The following AQR variants were observed in gnomAD, a reference collection of about 807,000 sequenced individuals.
AQR encodes aquarius intron-binding spliceosomal factor, also known as RNA helicase aquarius.
AQR carries 61 observed loss-of-function variants against 180.5 expected under a neutral mutation model. The observed-to-expected ratio is 0.34, with a 90% CI of 0.28 to 0.42. The LOEUF is 0.42. Among genes scored for constraint, AQR ranks in the 10% least tolerant of loss-of-function variants. The pLI, the probability that AQR is intolerant of heterozygous loss-of-function variation, is 1.00. For missense variants in AQR, 1,281 were observed against 1,798.3 expected (o/e 0.71, Z 5.20); for synonymous variants, 551 against 588.8 (o/e 0.94, Z 0.93).
chr15:34,867,655 A>G, intron 31 of AQR, 46 bp from the exon 32 acceptor site: 1 of 1,297,836 alleles, frequency 7.7e-7, no homozygotes, highest in Non-Finnish European at 1.1e-6. Flanking sequence ...AAAAGCCAAA[A>G]GACACTAGAG....
intron 14 of AQR, among the ~76,000 whole-genome samples, chr15:34,919,278 TTATC>T (rs1217150347): frequency 6.6e-6 from 1 of 151,696 alleles, no homozygotes; most frequent in Non-Finnish European, 1.5e-5. Context: ...AAATAAGTGT[TTATC>T]TAATAATGCT....
In AQR at chr15:34,896,877, AGGTGT is replaced by A; in HGVS notation, c.2460+15_2460+19del. The A allele has an allele frequency of 6.3e-7, 1 of 1,593,354 alleles. No homozygotes were observed. Among genetic ancestry groups the A allele is most frequent in the Non-Finnish European group, 8.6e-7 (1 of 1,161,300 alleles). ...AAAACAAACAAACAAACAAACAAAC[AGGTGT>A]AACAATTCTCTTACCATAGTCAGCC... On this transcript the variant is annotated intron_variant, in intron 22 of 34. Coordinates refer to ENST00000156471, the MANE Select transcript of AQR (RefSeq NM_014691.3).
At chr15:34,920,559 A>T in intron 13 of AQR, 125 bp from the exon 14 acceptor site, 1 of 704,560 alleles carries the variant, frequency 1.4e-6, no homozygotes, top group Non-Finnish European at 2.3e-6. Flanking sequence ...AAATATCAAA[A>T]ACCAGCAATG....
At chr15:34,898,777 A>C (rs1021181282) in intron 20 of AQR, among the ~76,000 whole-genome samples, 16 of 145,910 alleles carry the variant, frequency 1.1e-4, no homozygotes, top group South Asian at 2.2e-4. Flanking sequence ...CCAGCTACTC[A>C]GGAGGCTGAG....
At position 34,969,734 on chromosome 15, in the gene AQR, G is replaced by T; in HGVS notation, c.-121C>A. 2 of 975,100 alleles carry T rather than the reference G, an allele frequency of 2.1e-6. No homozygotes were observed. The highest frequency in any genetic ancestry group is 3.0e-6 in the Non-Finnish European group (2 of 671,956). The allele number at this position is 975,100 out of a possible 1,614,324, so 60.4% of individuals were successfully genotyped here. ...TAACTCCGCGCCGCACAAACGCTCC[G>T]GGCCGGATATCCTCAGCCTTCAGAG... On this transcript the variant is annotated 5_prime_UTR_variant, in exon 1 of 35. Coordinates refer to ENST00000156471, the MANE Select transcript of AQR (RefSeq NM_014691.3).
chr15:34,940,307 G>T (rs970214547), intron 8 of AQR, among the ~76,000 whole-genome samples: 1 of 152,182 alleles, frequency 6.6e-6, no homozygotes, highest in African/African-American at 2.4e-5. Flanking sequence ...GAGGCAGGCG[G>T]ATCACCTAAG....
intron 12 of AQR, among the ~76,000 whole-genome samples, chr15:34,927,470 G>C (rs1305976571): frequency 6.6e-6 from 1 of 152,184 alleles, no homozygotes; most frequent in East Asian, 1.9e-4. Flanking sequence ...ATCAAGAACT[G>C]GTCGAACAAG....
intron 9 of AQR, among the ~76,000 whole-genome samples, chr15:34,935,796 A>G (rs894896490): frequency 1.3e-5 from 2 of 152,206 alleles, no homozygotes; most frequent in Admixed American, 1.3e-4. Context: ...TGGTTTTCTG[A>G]GACATACATA....
chr15:34,869,192 T>C (rs1250177284), intron 31 of AQR: 1 of 152,106 alleles, frequency 6.6e-6, no homozygotes, highest in Non-Finnish European at 1.5e-5. Context: ...ATCTTCATCA[T>C]TTTACCCATT....
intron 5 of AQR, among the ~76,000 whole-genome samples, chr15:34,945,590 T>C (rs899826464): frequency 4.6e-5 from 7 of 152,202 alleles, no homozygotes; most frequent in Non-Finnish European, 7.4e-5. Context: ...ATTTCTATAA[T>C]AGCTTGAAGC....
chr15:34,920,368 G>A lies in AQR; in HGVS notation c.1185C>T (p.Asp395=). Residue 395 remains aspartate (D), a synonymous_variant, in exon 14 of 35, where the codon GAC becomes GAT. Coordinates refer to ENST00000156471, the MANE Select transcript of AQR (RefSeq NM_014691.3). The part of the protein sequence containing the change: ...CLLPTLPKNE[D]TTFDKEFLLE... ...GAAGAAATTCTTTATCAAAAGTTGT[G>A]TCTTCATTTTTAGGAAGAGTTGGCA... The A allele has an allele frequency of 6.2e-7, 1 of 1,613,172 alleles. No individual in the cohort carries two copies. Among genetic ancestry groups the A allele is most frequent in the South Asian group, 1.1e-5 (1 of 90,976 alleles).
Position 34,942,537 on chromosome 15 carries a change from C to G in AQR, c.472-457G>C, listed in dbSNP as rs376948151. ...TCGCTGTTTAAAATGGCAACAAGCC[C>G]AAGGCTGAAGTGCTGTCTGATGTTC... is the stretch of plus-strand genomic sequence containing the variant. On this transcript the variant is annotated intron_variant, in intron 6 of 34. Coordinates refer to ENST00000156471, the MANE Select transcript of AQR (RefSeq NM_014691.3). Among the ~76,000 whole-genome samples, 21 of 152,160 alleles carry G rather than the reference C, an allele frequency of 1.4e-4. No individual in the cohort carries two copies. In the East Asian group the frequency reaches 3.1e-3, roughly 22 times the overall value.
chr15:34,969,436 T>C, intron 1 of AQR, 103 bp downstream of exon 1: 5 of 1,176,520 alleles, frequency 4.2e-6, no homozygotes, highest in Non-Finnish European at 6.2e-6. Flanking sequence ...AACAAACGAA[T>C]GCCTCCTCCG....
Position 34,921,780 on chromosome 15 carries a change from CAAAT to C in AQR, c.1119-1350_1119-1347del, listed in dbSNP as rs377440736. ...TGTAATTTTATCTTTTCCAGGAGGT[CAAAT>C]AAATGGAATCACACATTAGGTAGTC... On this transcript the variant is annotated intron_variant, in intron 13 of 34. Transcript: ENST00000156471. 7.6e-4 allele frequency among the ~76,000 whole-genome samples: 115 copies of C among 152,172 alleles called. 1 individual carries two copies. The East Asian group carries it at 0.019, about 25-fold the overall frequency.
intron 25 of AQR, 92 bp from the exon 26 acceptor site, chr15:34,884,826 G>A (rs1893033708): frequency 2.1e-6 from 2 of 962,520 alleles, no homozygotes; most frequent in South Asian, 3.2e-5. Flanking sequence ...AGATCTGCTA[G>A]GTGAAAAAGA....
At chr15:34,967,735 G>C (rs921523208) in intron 1 of AQR, among the ~76,000 whole-genome samples, 1 of 152,184 alleles carries the variant, frequency 6.6e-6, no homozygotes, top group African/African-American at 2.4e-5. Flanking sequence ...GAAGATATAA[G>C]CACAGGTCAA....
Position 34,873,921 on chromosome 15 carries a change from T to C in AQR, c.3504A>G (p.Thr1168=). 2 of 1,612,724 alleles carry C rather than the reference T, an allele frequency of 1.2e-6. No homozygotes were observed. Among genetic ancestry groups the C allele is most frequent in the Non-Finnish European group, 1.7e-6 (2 of 1,179,208 alleles). ...AGTCATACAGTAAGCCAGCATTTGC[T>C]GTACTAAACTCTGGCAAGAGCTGCA... The part of the protein sequence containing the change: ...PHVQLLPEFS[T]ANAGLLYDFQ... The change falls in exon 30 of 35, where the codon ACA becomes ACG. Residue 1168 remains threonine, a synonymous_variant. Coordinates refer to ENST00000156471, the MANE Select transcript of AQR (RefSeq NM_014691.3).
chr15:34,941,698 A>G (rs1894024925), intron 7 of AQR, among the ~76,000 whole-genome samples: 1 of 152,108 alleles, frequency 6.6e-6, no homozygotes, highest in South Asian at 2.1e-4. Context: ...AGCTATATAT[A>G]TACTCTAATC....
At chr15:34,963,138 C>G (rs1013802051) in intron 2 of AQR, among the ~76,000 whole-genome samples, 1 of 152,108 alleles carries the variant, frequency 6.6e-6, no homozygotes, top group African/African-American at 2.4e-5. Context: ...AGCCACTGCA[C>G]AAGCCAATTT....
Sources: gnomAD v4.1 joint callset for allele counts (sites outside exome capture counted in the v4.1 genomes callset) on GRCh38, gnomAD v4.1.1 for gene constraint, MANE v1.5 for transcripts, NCBI Gene and HGNC (gene_info 2026-07-23, HGNC 2026-07-21) for gene names.